The following KDM5A variants were observed in gnomAD, a reference collection of about 807,000 sequenced individuals.
KDM5A encodes lysine-specific demethylase 5A.
In KDM5A, 42 loss-of-function variants were observed where a neutral mutation model predicts 193.5. The ratio of observed to expected loss-of-function variants is 0.22; its 90% CI spans 0.17 to 0.28. The LOEUF (loss-of-function observed/expected upper bound fraction) is 0.28. Ranked by LOEUF, KDM5A falls within the 10% of genes least tolerant of loss-of-function variation. The pLI, the probability that KDM5A is intolerant of heterozygous loss-of-function variation, is 1.00. For synonymous variants in KDM5A, 796 were observed against 718.1 expected (o/e 1.11, Z -1.73); for missense variants, 1,692 against 2,055.1 (o/e 0.82, Z 3.42).
intron 6 of KDM5A, among the ~76,000 whole-genome samples, chr12:355,977 C>T (rs1016033794): frequency 3.3e-5 from 5 of 152,128 alleles, no homozygotes; most frequent in African/African-American, 1.2e-4. Flanking sequence ...AACAGACTTA[C>T]TAAAGAAAAC....
intron 17 of KDM5A, 145 bp downstream of exon 17, chr12:322,272 A>C: frequency 1.4e-6 from 1 of 700,668 alleles, no homozygotes; most frequent in Admixed American, 2.3e-5. Context: ...AGTAGGAGAT[A>C]AAACTGGAGC....
At chr12:319,812 G>A (rs1943694230) in intron 18 of KDM5A, among the ~76,000 whole-genome samples, 2 of 152,196 alleles carry the variant, frequency 1.3e-5, no homozygotes, top group East Asian at 1.9e-4. Context: ...TCCACCAAAT[G>A]GAAATCCAGA....
rs186547555 is a variant in KDM5A, at chr12:287,858, T to C, written c.4867-2196A>G. Among the ~76,000 whole-genome samples the C allele has an allele frequency of 1.1e-3, 174 of 152,328 alleles. 2 individuals carry two copies. Among genetic ancestry groups the C allele is most frequent in the African/African-American group, 4.0e-3 (168 of 41,588 alleles). Reference sequence around the variant, plus strand: ...AAAGTGTCCCATGTCTTTTTAAATCTAGTGTTTGCACTATACTCACTGGCT... The same window carrying C: ...AAAGTGTCCCATGTCTTTTTAAATCCAGTGTTTGCACTATACTCACTGGCT... On this transcript the variant is annotated intron_variant, in intron 27 of 27. Coordinates refer to ENST00000399788, the MANE Select transcript of KDM5A (RefSeq NM_001042603.3).
intron 20 of KDM5A, among the ~76,000 whole-genome samples, chr12:311,383 C>A (rs957074698): frequency 2.6e-5 from 4 of 152,070 alleles, no homozygotes; most frequent in Non-Finnish European, 5.9e-5. Context: ...GTGGCTCACA[C>A]CTGTAATCTC....
chr12:389,101 CGGG>C lies in KDM5A; in HGVS notation c.-13_-11del, dbSNP rs34704738. 0.24 allele frequency: 299,374 copies of C among 1,262,730 alleles called. 1,823 individuals are homozygous for C. The highest frequency in any genetic ancestry group is 0.3 in the African/African-American group (18,210 of 61,480). The allele number at this position is 1,262,730 out of a possible 1,614,324, so 78.2% of individuals were successfully genotyped here. ...GCCCCACGCCCGCCATTGCAACGGC[CGGG>C]GGGGGGGGGGGGTCCCCGTGGGGAA... On this transcript the variant is annotated 5_prime_UTR_variant, in exon 1 of 28. Transcript: ENST00000399788.
At chr12:310,854 G>A in intron 21 of KDM5A, 31 bp downstream of exon 21, 3 of 1,605,252 alleles carry the variant, frequency 1.9e-6, no homozygotes, top group Non-Finnish European at 2.6e-6. Flanking sequence ...TAAATTATCA[G>A]CTGCTTATGA....
Position 385,980 on chromosome 12 carries a change from T to A in KDM5A, c.166-6A>T, listed in dbSNP as rs562791097. Reference sequence around the variant, plus strand: ...GCAAATGGAGGCTGCCAGTCCTAAATAGAAAGATTTTTTTAAAAAAACACA... The same window carrying A: ...GCAAATGGAGGCTGCCAGTCCTAAAAAGAAAGATTTTTTTAAAAAAACACA... On this transcript the variant is annotated splice_region_variant and splice_polypyrimidine_tract_variant and intron_variant, in intron 1 of 27. Transcript: ENST00000399788. 1 of 1,610,660 alleles carries A rather than the reference T, an allele frequency of 6.2e-7. No individual in the cohort carries two copies. The highest frequency in any genetic ancestry group is 2.2e-5 in the East Asian group (1 of 44,830).
intron 10 of KDM5A, among the ~76,000 whole-genome samples, chr12:348,520 A>G (rs1944108221): frequency 6.6e-6 from 1 of 152,250 alleles, no homozygotes. Context: ...CCAAATGTCC[A>G]TCAATGATAG....
At chr12:314,648 T>C (rs560578984) in intron 19 of KDM5A, among the ~76,000 whole-genome samples, 2 of 152,272 alleles carry the variant, frequency 1.3e-5, no homozygotes, top group East Asian at 1.9e-4. Context: ...CCAAAAGTGA[T>C]GTCTAAGCTT....
Position 389,105 on chromosome 12 carries a change from G to T in KDM5A, c.-14C>A, listed in dbSNP as rs778746087. ...CACGCCCGCCATTGCAACGGCCGGGGGGGGGGGGGGGTCCCCGTGGGGAAC... is the reference window on the plus strand; with the variant it reads ...CACGCCCGCCATTGCAACGGCCGGGTGGGGGGGGGGGTCCCCGTGGGGAAC... On this transcript the variant is annotated 5_prime_UTR_variant, in exon 1 of 28. Transcript: ENST00000399788. The T allele has an allele frequency of 5.9e-5, 46 of 786,056 alleles. No homozygotes were observed. The highest frequency in any genetic ancestry group is 1.4e-4 in the South Asian group (5 of 36,348). The allele number at this position is 786,056 out of a possible 1,614,324, so 48.7% of individuals were successfully genotyped here. A position where few individuals can be genotyped will look rare whatever the true frequency, so the allele number is the denominator to read the frequency against.
chr12:373,362 T>G (rs1200350073), intron 3 of KDM5A, among the ~76,000 whole-genome samples: 4 of 152,168 alleles, frequency 2.6e-5, no homozygotes, highest in Non-Finnish European at 4.4e-5. Flanking sequence ...TCTTCTAGAT[T>G]TTCTAGTTTA....
intron 3 of KDM5A, 44 bp downstream of exon 3, chr12:383,987 T>G: frequency 6.3e-7 from 1 of 1,599,184 alleles, no homozygotes; most frequent in South Asian, 1.1e-5. Flanking sequence ...TATTCCTAAA[T>G]TCACAAGCCT....
In KDM5A at chr12:331,921, C is replaced by T. The variant is rs2137422949; in HGVS notation, c.1671G>A (p.Gln557=). The change falls in exon 13 of 28, where the codon CAG becomes CAA. Residue 557 remains glutamine (Q), a synonymous_variant. Transcript: ENST00000399788. ...ATGTCACAACAAACTCGCCAGCACA[C>T]TGATTGGTCCTGTACACCTAAATGC... is the stretch of plus-strand genomic sequence containing the variant. The part of the protein sequence containing the change: ...EHGVPVYRTN[Q]CAGEFVVTFP... The T allele has an allele frequency of 6.2e-7, 1 of 1,613,924 alleles. No individual in the cohort carries two copies. Among genetic ancestry groups the T allele is most frequent in the Non-Finnish European group, 8.5e-7 (1 of 1,179,888 alleles).
chr12:378,435 T>G (rs1944535430), intron 3 of KDM5A, among the ~76,000 whole-genome samples: 1 of 152,108 alleles, frequency 6.6e-6, no homozygotes, highest in South Asian at 2.1e-4. Flanking sequence ...TCTTTTTAAA[T>G]TTTTTGTAGA....
intron 13 of KDM5A, among the ~76,000 whole-genome samples, chr12:331,614 TG>T (rs1364129705): frequency 6.6e-6 from 1 of 151,946 alleles, no homozygotes; most frequent in Non-Finnish European, 1.5e-5. Flanking sequence ...AAATAATAAA[TG>T]GGTAAGAAGA....
rs558877831 is a variant in KDM5A at position 303,362 on chromosome 12, G to A, written c.4074+3584C>T. Among the ~76,000 whole-genome samples the A allele has an allele frequency of 9.2e-5, 14 of 152,320 alleles. No individual in the cohort carries two copies. In the East Asian group the frequency reaches 2.7e-3, roughly 29 times the overall value. On this transcript the variant is annotated intron_variant, in intron 24 of 27. Transcript: ENST00000399788. ...AAAAGATGAGTTCGTGTCCTTTGCA[G>A]AGACATGGATGAAGCTGGAAACCAT...
chr12:291,363 T>C (rs1943292054), intron 27 of KDM5A, among the ~76,000 whole-genome samples: 1 of 152,234 alleles, frequency 6.6e-6, no homozygotes, highest in Non-Finnish European at 1.5e-5. Flanking sequence ...GGAATGTGTT[T>C]TTGTACTTAC....
At chr12:367,769 G>A (rs1426886339) in intron 3 of KDM5A, among the ~76,000 whole-genome samples, 1 of 151,946 alleles carries the variant, frequency 6.6e-6, no homozygotes, top group Non-Finnish European at 1.5e-5. Context: ...GGCCAAGGCA[G>A]GAGGATCAGT....
At chr12:388,449 G>A (rs1323621673) in intron 1 of KDM5A, 2 of 392,710 alleles carry the variant, frequency 5.1e-6, no homozygotes, top group East Asian at 7.1e-5. Flanking sequence ...GCAATAATTA[G>A]TCTGGAGTTC....
Sources: gnomAD v4.1 joint callset for allele counts (sites outside exome capture counted in the v4.1 genomes callset) on GRCh38, gnomAD v4.1.1 for gene constraint, MANE v1.5 for transcripts, NCBI Gene and HGNC (gene_info 2026-07-23, HGNC 2026-07-21) for gene names.